Variants in ATG4C observed in about 807,000 individuals in gnomAD.
ATG4C encodes cysteine protease ATG4C.
In ATG4C, 56 loss-of-function variants were observed where a neutral mutation model predicts 57.6. That is an observed-to-expected ratio of 0.97 (90% confidence interval 0.78 to 1.21). The LOEUF (loss-of-function observed/expected upper bound fraction) is 1.21. Ranked by LOEUF, ATG4C falls within the 50% of genes most tolerant of loss-of-function variation. The pLI, the probability that ATG4C is intolerant of heterozygous loss-of-function variation, is 0.00. For synonymous variants in ATG4C, 157 were observed against 174.1 expected (o/e 0.90, Z 0.78); for missense variants, 595 against 529.8 (o/e 1.12, Z -1.21).
intron 8 of ATG4C, 37 bp from the exon 9 acceptor site, chr1:62,834,739 T>A: frequency 6.4e-7 from 1 of 1,552,514 alleles, no homozygotes; most frequent in South Asian, 1.1e-5. Flanking sequence ...TAATAAGGTG[T>A]TTTTTGAATT....
At chr1:62,860,006 ATT>A (rs944889862) in intron 10 of ATG4C, among the ~76,000 whole-genome samples, 1 of 152,122 alleles carries the variant, frequency 6.6e-6, no homozygotes, top group Non-Finnish European at 1.5e-5. Context: ...CTACAAAGAT[ATT>A]TTCTTTCTAT....
intron 10 of ATG4C, among the ~76,000 whole-genome samples, chr1:62,844,546 G>A (rs988517308): frequency 6.6e-6 from 1 of 151,992 alleles, no homozygotes; most frequent in Non-Finnish European, 1.5e-5. Context: ...AGCTGAAGAA[G>A]TTGTACTTTA....
chr1:62,859,133 C>T (rs1354188774), intron 10 of ATG4C, among the ~76,000 whole-genome samples: 2 of 152,056 alleles, frequency 1.3e-5, no homozygotes, highest in East Asian at 3.9e-4. Flanking sequence ...CTTCAGAATT[C>T]AAAACATTTT....
chr1:62,845,795 G>A (rs899477332), intron 10 of ATG4C, among the ~76,000 whole-genome samples: 30 of 152,126 alleles, frequency 2.0e-4, no homozygotes, highest in African/African-American at 7.2e-4. Flanking sequence ...TCCACCTCCC[G>A]GGTTCAAGCA....
intron 10 of ATG4C, among the ~76,000 whole-genome samples, chr1:62,850,901 T>TATAC (rs1553230197): frequency 1.2e-4 from 6 of 51,578 alleles, no homozygotes; most frequent in African/African-American, 3.7e-4. Flanking sequence ...TATATATATA[T>TATAC]ACATACACAT....
chr1:62,806,644 G>A (rs576885311), intron 3 of ATG4C, among the ~76,000 whole-genome samples: 1 of 152,244 alleles, frequency 6.6e-6, no homozygotes, highest in Admixed American at 6.5e-5. Context: ...TAGGAAAGGA[G>A]AAAGGTGTGG....
intron 1 of ATG4C, among the ~76,000 whole-genome samples, chr1:62,787,298 G>T (rs1014492756): frequency 6.6e-6 from 1 of 152,094 alleles, no homozygotes; most frequent in Non-Finnish European, 1.5e-5. Flanking sequence ...CTACATGAAA[G>T]CATCTGGAAA....
chr1:62,800,323 T>C (rs1664616107), intron 1 of ATG4C, among the ~76,000 whole-genome samples: 1 of 152,216 alleles, frequency 6.6e-6, no homozygotes, highest in African/African-American at 2.4e-5. Flanking sequence ...TAAATGTTTT[T>C]GTATAAGATT....
At chr1:62,786,812 A>G (rs1272567839) in intron 1 of ATG4C, among the ~76,000 whole-genome samples, 1 of 152,182 alleles carries the variant, frequency 6.6e-6, no homozygotes, top group Non-Finnish European at 1.5e-5. Flanking sequence ...AATGCTATTA[A>G]AAAAGGACTT....
chr1:62,806,909 T>C (rs1241189852), intron 3 of ATG4C, among the ~76,000 whole-genome samples: 1 of 152,176 alleles, frequency 6.6e-6, no homozygotes, highest in Non-Finnish European at 1.5e-5. Context: ...GCAGAAACCT[T>C]AGGGCTAGCT....
At chr1:62,827,186 A>G (rs910538316) in intron 6 of ATG4C, among the ~76,000 whole-genome samples, 7 of 152,036 alleles carry the variant, frequency 4.6e-5, no homozygotes, top group East Asian at 1.9e-4. Context: ...AGCTCACACA[A>G]TCTGTCTTCA....
At chr1:62,789,641 A>G (rs1300849254) in intron 1 of ATG4C, among the ~76,000 whole-genome samples, 3 of 151,114 alleles carry the variant, frequency 2.0e-5, no homozygotes, top group East Asian at 3.9e-4. Context: ...GTGAAACCCC[A>G]TCTCTACTAA....
At chr1:62,798,165 T>A (rs1375087928) in intron 1 of ATG4C, among the ~76,000 whole-genome samples, 1 of 152,166 alleles carries the variant, frequency 6.6e-6, no homozygotes. Flanking sequence ...ATAATTTAAA[T>A]CTGTGTTTCT....
At chr1:62,839,764 A>G (rs1666110373) in intron 9 of ATG4C, among the ~76,000 whole-genome samples, 1 of 152,224 alleles carries the variant, frequency 6.6e-6, no homozygotes, top group Admixed American at 6.5e-5. Flanking sequence ...TGGAGGTTCC[A>G]GTTTAGCTAG....
At chr1:62,841,625 A>G in intron 10 of ATG4C, 78 bp downstream of exon 10, 1 of 1,213,478 alleles carries the variant, frequency 8.2e-7, no homozygotes, top group South Asian at 1.8e-5. Flanking sequence ...AAAAACCTGT[A>G]AATTATAATT....
At chr1:62,819,990 A>T (rs554597790) in intron 5 of ATG4C, among the ~76,000 whole-genome samples, 2 of 152,208 alleles carry the variant, frequency 1.3e-5, no homozygotes, top group East Asian at 3.9e-4. Context: ...TTAATATTTC[A>T]TATAAGTATA....
intron 10 of ATG4C, among the ~76,000 whole-genome samples, chr1:62,847,146 C>T (rs1666348874): frequency 6.6e-6 from 1 of 152,208 alleles, no homozygotes; most frequent in Non-Finnish European, 1.5e-5. Flanking sequence ...CATTGCACTC[C>T]AGCCTGGGCG....
At chr1:62,794,178 G>C (rs562102122) in intron 1 of ATG4C, among the ~76,000 whole-genome samples, 1 of 152,242 alleles carries the variant, frequency 6.6e-6, no homozygotes, top group Non-Finnish European at 1.5e-5. Context: ...ATCTTATTTA[G>C]GTTGGTTATG....
intron 1 of ATG4C, among the ~76,000 whole-genome samples, 181 bp from the exon 2 acceptor site, chr1:62,803,538 A>G (rs950194740): frequency 1.3e-5 from 2 of 152,178 alleles, no homozygotes; most frequent in Non-Finnish European, 2.9e-5. Context: ...ATCTTATTCT[A>G]TAAGATTTCT....
Sources: allele counts gnomAD v4.1 joint callset (sites outside exome capture counted in the v4.1 genomes callset), GRCh38; gene constraint gnomAD v4.1.1; transcripts MANE v1.5; gene names NCBI Gene and HGNC (gene_info 2026-07-23, HGNC 2026-07-21).